TANC1: variants seen among roughly 807,000 people sequenced by gnomAD.
The protein encoded by TANC1 is protein TANC1.
A neutral mutation model predicts 149.7 loss-of-function variants in TANC1; 77 were observed. The ratio of observed to expected loss-of-function variants is 0.51; its 90% confidence interval spans 0.43 to 0.62. TANC1 has a LOEUF of 0.62. Among genes scored for constraint, TANC1 ranks in the 20% least tolerant of loss-of-function variants. TANC1 has a pLI of 0.00. For missense variants in TANC1, 1,985 were observed against 2,321.8 expected, an observed-to-expected ratio of 0.85 and a Z score of 2.98; for synonymous variants, 854 against 925.0, an observed-to-expected ratio of 0.92 and a Z score of 1.39.
In TANC1 at chr2:159,097,668, C is replaced by A; in HGVS notation, c.93C>A (p.Val31=). Residue 31 remains valine (V), a synonymous_variant, in exon 4 of 27, where the codon GTC becomes GTA. Transcript: ENST00000263635. The part of the protein sequence containing the change: ...GSDFGPETSP[V]LHLDHSADSP... ...ACTTTGGTCCAGAGACTTCTCCAGT[C>A]CTGCACCTTGACCACAGTGCTGACT... 1.2e-6 allele frequency: 2 copies of A among 1,614,086 alleles called. No homozygotes were observed. The highest frequency in any genetic ancestry group is 1.7e-6 in the Non-Finnish European group (2 of 1,179,968).
chr2:158,974,907 ATTTTTTTTTTT>A (rs3028258), intron 1 of TANC1, among the ~76,000 whole-genome samples: 1 of 103,288 alleles, frequency 9.7e-6, no homozygotes, highest in South Asian at 3.6e-4. Context: ...TAATTTTTGT[ATTTTTTTTTTT>A]TTTTTTTTTT....
intron 10 of TANC1, among the ~76,000 whole-genome samples, chr2:159,171,856 TAAAAA>T (rs1167819599): frequency 1.2e-4 from 2 of 16,886 alleles, no homozygotes; most frequent in Non-Finnish European, 2.3e-4. Flanking sequence ...GACTCCGCCT[TAAAAA>T]AAAAAAAAAA....
chr2:159,196,315 A>G (rs912148725), intron 17 of TANC1, among the ~76,000 whole-genome samples: 2 of 152,234 alleles, frequency 1.3e-5, no homozygotes, highest in South Asian at 2.1e-4. Context: ...GTCTCCACAC[A>G]TGCTCACAAG....
chr2:158,995,087 T>C (rs1438021435), intron 1 of TANC1, among the ~76,000 whole-genome samples: 1 of 152,208 alleles, frequency 6.6e-6, no homozygotes, highest in Non-Finnish European at 1.5e-5. Context: ...ATAATGGGTG[T>C]AAGATACCTA....
rs1162744812 is a variant in TANC1, at chr2:159,069,214, T to A, written c.61+3243T>A. Reference sequence around the variant, plus strand: ...TAGAGGCACGGTGGAGAATGTAATTTTTAAAACTTTACCATGTTTTTTTAG... The same window carrying A: ...TAGAGGCACGGTGGAGAATGTAATTATTAAAACTTTACCATGTTTTTTTAG... On this transcript the variant is annotated intron_variant, in intron 3 of 26. Transcript: ENST00000263635. Among the ~76,000 whole-genome samples, 3 of 152,218 alleles carry A rather than the reference T, an allele frequency of 2.0e-5. No homozygotes were observed. The East Asian group carries it at 5.8e-4, about 29-fold the overall frequency.
chr2:159,011,751 C>G (rs1267954205), intron 2 of TANC1, among the ~76,000 whole-genome samples: 6 of 152,116 alleles, frequency 3.9e-5, no homozygotes, highest in Admixed American at 3.9e-4. Context: ...CTTTGACTTA[C>G]ATTTTTAAAA....
intron 4 of TANC1, among the ~76,000 whole-genome samples, chr2:159,118,719 A>G (rs905029168): frequency 1.3e-5 from 2 of 152,168 alleles, no homozygotes; most frequent in Non-Finnish European, 2.9e-5. Flanking sequence ...GATGGTGGAG[A>G]AACGTCTCTA....
At chr2:159,054,786 T>C (rs184603995) in intron 2 of TANC1, among the ~76,000 whole-genome samples, 1 of 152,338 alleles carries the variant, frequency 6.6e-6, no homozygotes, top group Admixed American at 6.5e-5. Context: ...TACAGTGGCC[T>C]CCTCTGAGGG....
chr2:159,123,656 A>G (rs1406379990), intron 4 of TANC1, among the ~76,000 whole-genome samples: 1 of 152,228 alleles, frequency 6.6e-6, no homozygotes, highest in African/African-American at 2.4e-5. Context: ...AGAAGTTACT[A>G]ATTTATAGCA....
At chr2:159,210,277 G>T (rs534698565) in intron 19 of TANC1, among the ~76,000 whole-genome samples, 2 of 152,304 alleles carry the variant, frequency 1.3e-5, no homozygotes, top group South Asian at 2.1e-4. Context: ...GCAAATGTGG[G>T]TGGGAATACA....
In TANC1 at chr2:159,001,585, T is replaced by C. The variant is rs557729261; in HGVS notation, c.-16+396T>C. ...AGGGAGTAATAATCACTACCATTTATGAAACCCTTTCCTGGTTCATTGTCA... is the reference window on the plus strand; with the variant it reads ...AGGGAGTAATAATCACTACCATTTACGAAACCCTTTCCTGGTTCATTGTCA... On this transcript the variant is annotated intron_variant, in intron 2 of 26. Coordinates refer to ENST00000263635, the MANE Select transcript of TANC1 (RefSeq NM_033394.3). This position sits in a 1 kb window ranked among gnomAD's most constrained non-coding sequence, Gnocchi z 4.3. 4.6e-5 allele frequency among the ~76,000 whole-genome samples: 7 copies of C among 152,240 alleles called. No individual in the cohort carries two copies. Among genetic ancestry groups the C allele is most frequent in the East Asian group, 1.9e-4 (1 of 5,190 alleles).
intron 1 of TANC1, among the ~76,000 whole-genome samples, chr2:158,982,313 C>T (rs1240969867): frequency 6.6e-6 from 1 of 152,152 alleles, no homozygotes; most frequent in African/African-American, 2.4e-5. Flanking sequence ...TACATATACA[C>T]TCCTTTTTTC....
chr2:159,128,716 T>C (rs1279503481), intron 4 of TANC1, among the ~76,000 whole-genome samples: 1 of 152,058 alleles, frequency 6.6e-6, no homozygotes, highest in Non-Finnish European at 1.5e-5. Context: ...GTAGGCCAAG[T>C]CATCATCTTT....
intron 3 of TANC1, among the ~76,000 whole-genome samples, chr2:159,095,181 C>T (rs994792493): frequency 2.0e-5 from 3 of 152,018 alleles, no homozygotes; most frequent in African/African-American, 7.2e-5. Flanking sequence ...CTCCTGACCT[C>T]GTGATTCGCT....
At chr2:159,154,051 TC>T (rs1162663161) in intron 7 of TANC1, among the ~76,000 whole-genome samples, 2 of 152,312 alleles carry the variant, frequency 1.3e-5, no homozygotes, top group Admixed American at 6.5e-5. Flanking sequence ...CATTTAATTT[TC>T]CATTTTAAGT....
At chr2:159,054,462 G>T (rs746505050) in intron 2 of TANC1, among the ~76,000 whole-genome samples, 7 of 152,116 alleles carry the variant, frequency 4.6e-5, no homozygotes, top group Non-Finnish European at 8.8e-5. Context: ...TGAAATTAGG[G>T]CCTGGGGAGG....
At chr2:159,019,927 CTG>C (rs2038673316) in intron 2 of TANC1, among the ~76,000 whole-genome samples, 1 of 151,942 alleles carries the variant, frequency 6.6e-6, no homozygotes, top group Non-Finnish European at 1.5e-5. Context: ...TAAATGCATG[CTG>C]AGCAAAAGTC....
intron 1 of TANC1, among the ~76,000 whole-genome samples, chr2:158,991,145 A>T (rs547289785): frequency 2.0e-5 from 3 of 151,256 alleles, no homozygotes; most frequent in Non-Finnish European, 4.4e-5. Context: ...TAGAGATCAG[A>T]GGTAGTTTAG....
intron 24 of TANC1, chr2:159,226,441 T>G (rs556526563): frequency 6.6e-6 from 1 of 152,426 alleles, no homozygotes; most frequent in South Asian, 2.1e-4. Flanking sequence ...TGAGGCACAG[T>G]CATGAGACGT....
Sources: allele counts gnomAD v4.1 joint callset (sites outside exome capture counted in the v4.1 genomes callset), GRCh38; gene constraint gnomAD v4.1.1; non-coding constraint Gnocchi (gnomAD v3.1); transcripts MANE v1.5; gene names NCBI Gene and HGNC (gene_info 2026-07-23, HGNC 2026-07-21).